Variants in DTWD2 observed in about 807,000 individuals in gnomAD.
The protein encoded by DTWD2 is tRNA-uridine aminocarboxypropyltransferase 2.
DTWD2 carries 39 observed loss-of-function variants against 31.8 expected under a neutral mutation model. That is an observed-to-expected ratio of 1.22 (90% CI 0.95 to 1.60). The LOEUF (loss-of-function observed/expected upper bound fraction) is 1.60, where lower values mean the gene tolerates loss of function less well. Among genes scored for constraint, DTWD2 ranks in the 40% most tolerant of loss-of-function variants. The pLI, the probability that DTWD2 is intolerant of heterozygous loss-of-function variation, is 0.00. For missense variants in DTWD2, 515 were observed against 381.5 expected (o/e 1.35, Z -2.92); for synonymous variants, 180 against 142.8 (o/e 1.26, Z -1.86).
chr5:118,916,423 T>G (rs1041154372), intron 4 of DTWD2, among the ~76,000 whole-genome samples: 30 of 152,158 alleles, frequency 2.0e-4, no homozygotes, highest in Admixed American at 6.5e-4. Context: ...CCCAGCACTT[T>G]GGGAGGCCAA....
At chr5:118,978,952 G>A (rs1156779409) in intron 1 of DTWD2, among the ~76,000 whole-genome samples, 3 of 151,940 alleles carry the variant, frequency 2.0e-5, no homozygotes, top group African/African-American at 7.3e-5. Context: ...GTTGCAGTGA[G>A]CCAAGATCAC....
At chr5:118,886,723 T>A (rs892521047) in intron 4 of DTWD2, among the ~76,000 whole-genome samples, 1 of 152,224 alleles carries the variant, frequency 6.6e-6, no homozygotes, top group Non-Finnish European at 1.5e-5. Flanking sequence ...ATTCACTTTA[T>A]ATAGCTTAAA....
intron 4 of DTWD2, among the ~76,000 whole-genome samples, chr5:118,901,625 G>C (rs1351334711): frequency 6.6e-6 from 1 of 152,078 alleles, no homozygotes; most frequent in Non-Finnish European, 1.5e-5. Context: ...AGCTAAGAGA[G>C]TATCTAGTAA....
intron 4 of DTWD2, among the ~76,000 whole-genome samples, chr5:118,902,138 A>G (rs1477785746): frequency 6.6e-6 from 1 of 152,202 alleles, no homozygotes; most frequent in African/African-American, 2.4e-5. Context: ...GAGAAACAAA[A>G]TAAGTTATGA....
At chr5:118,892,770 T>C (rs1206674375) in intron 4 of DTWD2, among the ~76,000 whole-genome samples, 1 of 152,062 alleles carries the variant, frequency 6.6e-6, no homozygotes, top group Non-Finnish European at 1.5e-5. Flanking sequence ...CATCTGATCC[T>C]ACTTCTAGGA....
At chr5:118,956,474 A>G (rs903776434) in intron 1 of DTWD2, among the ~76,000 whole-genome samples, 2 of 152,238 alleles carry the variant, frequency 1.3e-5, no homozygotes, top group African/African-American at 2.4e-5. Flanking sequence ...ATACAAAGGT[A>G]ATGTGTATCA....
At chr5:118,899,406 G>C (rs1421610543) in intron 4 of DTWD2, among the ~76,000 whole-genome samples, 1 of 152,162 alleles carries the variant, frequency 6.6e-6, no homozygotes, top group Non-Finnish European at 1.5e-5. Context: ...TCAAAGGCTA[G>C]TAGGAACCTA....
At chr5:118,982,360 T>C (rs1256291852) in intron 1 of DTWD2, among the ~76,000 whole-genome samples, 1 of 152,210 alleles carries the variant, frequency 6.6e-6, no homozygotes, top group East Asian at 1.9e-4. Flanking sequence ...ATGTGGTTTT[T>C]AAAACTGGCC....
chr5:118,888,584 T>C (rs957511273), intron 4 of DTWD2, among the ~76,000 whole-genome samples: 2 of 152,260 alleles, frequency 1.3e-5, no homozygotes, highest in South Asian at 2.1e-4. Context: ...AGTCTTTGTA[T>C]AGACATATAC....
intron 4 of DTWD2, among the ~76,000 whole-genome samples, chr5:118,851,817 T>C (rs1001059962): frequency 6.7e-6 from 1 of 148,898 alleles, no homozygotes; most frequent in African/African-American, 2.5e-5. Flanking sequence ...TGTGCACATG[T>C]ACCCTAAAAC....
At chr5:118,874,031 C>G (rs899282628) in intron 4 of DTWD2, among the ~76,000 whole-genome samples, 2 of 152,208 alleles carry the variant, frequency 1.3e-5, no homozygotes, top group Non-Finnish European at 2.9e-5. Context: ...AGAACAAAGT[C>G]TGGGTGCAAT....
intron 1 of DTWD2, among the ~76,000 whole-genome samples, chr5:118,986,003 T>C (rs1358486323): frequency 6.6e-6 from 1 of 152,192 alleles, no homozygotes; most frequent in Non-Finnish European, 1.5e-5. Flanking sequence ...CATCTTTGTA[T>C]TTCATAGCCT....
At chr5:118,918,114 C>T (rs982352163) in intron 4 of DTWD2, among the ~76,000 whole-genome samples, 1 of 152,142 alleles carries the variant, frequency 6.6e-6, no homozygotes, top group African/African-American at 2.4e-5. Context: ...GGGGACACAG[C>T]CAAACCATAT....
At chr5:118,876,255 A>T (rs1752619229) in intron 4 of DTWD2, among the ~76,000 whole-genome samples, 1 of 152,204 alleles carries the variant, frequency 6.6e-6, no homozygotes, top group Non-Finnish European at 1.5e-5. Flanking sequence ...AAAAAGTTAC[A>T]AAGATCTCAA....
At chr5:118,896,287 A>G (rs1206341794) in intron 4 of DTWD2, among the ~76,000 whole-genome samples, 3 of 152,200 alleles carry the variant, frequency 2.0e-5, no homozygotes, top group South Asian at 2.1e-4. Context: ...ATAAAAAGCA[A>G]TAATATTTTC....
intron 5 of DTWD2, among the ~76,000 whole-genome samples, chr5:118,844,901 A>C (rs1475144741): frequency 5.9e-5 from 9 of 152,180 alleles, no homozygotes; most frequent in Non-Finnish European, 1.0e-4. Context: ...TGGCAGGCGA[A>C]GGCAGGTGGA....
Position 118,840,748 on chromosome 5 carries a change from T to G in DTWD2, c.*169A>C, listed in dbSNP as rs1751692384. On this transcript the variant is annotated 3_prime_UTR_variant, in exon 6 of 6. Transcript: ENST00000510708. ...GCTTTTCAGTGAGCCAGTGAATTTC[T>G]GTTTATTTGTATTTATGAATATTTG... The G allele has an allele frequency of 4.7e-6, 3 of 638,840 alleles. No homozygotes were observed. The highest frequency in any genetic ancestry group is 4.6e-6 in the Non-Finnish European group (2 of 436,506). 39.6% of individuals were successfully genotyped at this position (638,840 alleles called of 1,614,324 possible). A position where few individuals can be genotyped will look rare whatever the true frequency, so the allele number is the denominator to read the frequency against.
intron 4 of DTWD2, among the ~76,000 whole-genome samples, chr5:118,892,672 C>T (rs1241078278): frequency 6.6e-6 from 1 of 152,048 alleles, no homozygotes; most frequent in East Asian, 1.9e-4. Flanking sequence ...GTGGGAAAGG[C>T]TGCTGGGAAA....
At chr5:118,919,167 A>G (rs1753646245) in intron 4 of DTWD2, among the ~76,000 whole-genome samples, 1 of 152,338 alleles carries the variant, frequency 6.6e-6, no homozygotes, top group African/African-American at 2.4e-5. Flanking sequence ...AGTTCCCCCG[A>G]TTCCCTGTGG....
Sources: gnomAD v4.1 joint callset for allele counts (sites outside exome capture counted in the v4.1 genomes callset) on GRCh38, gnomAD v4.1.1 for gene constraint, MANE v1.5 for transcripts, NCBI Gene and HGNC (gene_info 2026-07-23, HGNC 2026-07-21) for gene names.